The following CDYL variants were observed in gnomAD, a reference collection of about 807,000 sequenced individuals.
CDYL encodes the protein chromodomain Y like, also known as chromodomain Y-like protein.
Under a neutral mutation model 47.3 loss-of-function variants are expected in CDYL, and 8 were observed. The observed-to-expected ratio is 0.17, with a 90% CI of 0.10 to 0.31. The LOEUF is 0.31. Ranked by LOEUF, CDYL falls within the 10% of genes least tolerant of loss-of-function variation. CDYL has a pLI of 1.00. For missense variants in CDYL, 471 were observed against 701.4 expected, an observed-to-expected ratio of 0.67 and a Z score of 3.71; for synonymous variants, 266 against 265.0, an observed-to-expected ratio of 1.00 and a Z score of -0.04.
chr6:4,723,794 G>A (rs1234162552), intron 2 of CDYL, among the ~76,000 whole-genome samples: 1 of 152,092 alleles, frequency 6.6e-6, no homozygotes, highest in African/African-American at 2.4e-5. Flanking sequence ...AAAATCTAAG[G>A]GAAACATCAA....
intron 1 of CDYL, among the ~76,000 whole-genome samples, chr6:4,822,506 A>G (rs116187065): frequency 0.011 from 1,602 of 152,346 alleles, 8 homozygotes; most frequent in South Asian, 0.037. Flanking sequence ...CTTGTAAAGT[A>G]TAAAAGCTAT....
chr6:4,739,995 T>G (rs192924054), intron 3 of CDYL, among the ~76,000 whole-genome samples: 1 of 152,148 alleles, frequency 6.6e-6, no homozygotes, highest in Non-Finnish European at 1.5e-5. Flanking sequence ...CACACTAAAT[T>G]TCTGATGGAA....
In CDYL at chr6:4,776,787, G is replaced by C. The variant is rs773558670; in HGVS notation, c.4G>C (p.Ala2Pro). 8.5e-7 allele frequency: 1 copy of C among 1,170,118 alleles called. No individual in the cohort carries two copies. The highest frequency in any genetic ancestry group is 1.1e-6 in the Non-Finnish European group (1 of 927,112). The allele number at this position is 1,170,118 out of a possible 1,614,324, so 72.5% of individuals were successfully genotyped here. A position where few individuals can be genotyped will look rare whatever the true frequency, so the allele number is the denominator to read the frequency against. ...GCCCGCAACTCCGCCGCCCACCATG[G>C]CTTCCGAGGAGCTGTACGAGGTACC... is the stretch of plus-strand genomic sequence containing the variant. MASEELYEVERI... is the reference protein window; with the variant it reads MPSEELYEVERI... Residue 2 changes from alanine to proline, a missense_variant, in exon 1 of 7, where the codon GCT becomes CCT. Ala to Pro is a conservative substitution (Grantham distance 27). Coordinates refer to ENST00000397588, the MANE Select transcript of CDYL (RefSeq NM_004824.4).
intron 1 of CDYL, among the ~76,000 whole-genome samples, chr6:4,891,376 G>A (rs902962904): frequency 1.3e-5 from 2 of 152,200 alleles, no homozygotes; most frequent in Non-Finnish European, 2.9e-5. Flanking sequence ...CACAGCTGCA[G>A]ATGCCTCGAG....
chr6:4,846,662 C>G (rs1051134022), intron 1 of CDYL, among the ~76,000 whole-genome samples: 1 of 151,982 alleles, frequency 6.6e-6, no homozygotes, highest in African/African-American at 2.4e-5. Flanking sequence ...GTATGTGTGT[C>G]TTGCATGCTA....
intron 3 of CDYL, among the ~76,000 whole-genome samples, chr6:4,750,184 G>GT (rs1189598468): frequency 1.3e-5 from 2 of 151,108 alleles, no homozygotes; most frequent in African/African-American, 2.4e-5. Flanking sequence ...GCAAAAAAAA[G>GT]TTTTTATTTA....
intron 2 of CDYL, among the ~76,000 whole-genome samples, chr6:4,722,943 C>G (rs1414395584): frequency 6.6e-6 from 1 of 152,044 alleles, no homozygotes; most frequent in African/African-American, 2.4e-5. Context: ...AACTGATTAC[C>G]CTAGCATAAG....
At chr6:4,740,103 G>A (rs893543145) in intron 3 of CDYL, among the ~76,000 whole-genome samples, 19 of 152,198 alleles carry the variant, frequency 1.2e-4, no homozygotes, top group African/African-American at 4.1e-4. Context: ...TTACGAAGGA[G>A]AGTGTCTGAC....
chr6:4,716,015 G>A lies in CDYL; in HGVS notation c.103+134G>A, dbSNP rs551551756. On this transcript the variant is annotated intron_variant, in intron 2 of 8. Coordinates refer to the CDYL transcript ENST00000328908. The stretch of plus-strand genomic sequence containing the variant: ...TATAATCCCAGCACTTTGGGAGGCC[G>A]AGGCGGGCGGATCATGAGGTCAGGA... The A allele has an allele frequency of 3.2e-5, 42 of 1,322,010 alleles. No homozygotes were observed. The East Asian group carries it at 6.7e-4, about 21-fold the overall frequency. 81.9% of individuals were successfully genotyped at this position (1,322,010 alleles called of 1,614,324 possible).
chr6:4,875,284 G>A (rs937412789), intron 1 of CDYL, among the ~76,000 whole-genome samples: 11 of 152,046 alleles, frequency 7.2e-5, no homozygotes, highest in African/African-American at 2.7e-4. Context: ...GATTGTTTTT[G>A]CTATTCTATT....
At chr6:4,918,760 C>T (rs7739834) in intron 2 of CDYL, among the ~76,000 whole-genome samples, 127,477 of 152,176 alleles carry the variant, frequency 0.84, 53,597 homozygotes, top group Admixed American at 0.89. Flanking sequence ...TTGTAGGGAT[C>T]GCTTTGAAAC....
rs535309717 is a variant in CDYL, at chr6:4,744,455, C to CA, written c.186+9612dup. Reference sequence around the variant, plus strand: ...GGCTGCAGTGAGCTATGATTGAACCCACTGCACTTCAGCCTGGACAACAGA... The same window carrying CA: ...GGCTGCAGTGAGCTATGATTGAACCCAACTGCACTTCAGCCTGGACAACAGA... On this transcript the variant is annotated intron_variant, in intron 3 of 8. Coordinates refer to the CDYL transcript ENST00000328908. 4.0e-3 allele frequency among the ~76,000 whole-genome samples: 605 copies of CA among 151,900 alleles called. 4 individuals are homozygous for CA. Among genetic ancestry groups the CA allele is most frequent in the African/African-American group, 0.014 (583 of 41,432 alleles).
intron 2 of CDYL, among the ~76,000 whole-genome samples, chr6:4,718,919 TTTTTCTTTTTTTC>T (rs1363673076): frequency 6.6e-6 from 1 of 152,038 alleles, no homozygotes; most frequent in African/African-American, 2.4e-5. Context: ...CTGGTTTTTT[TTTTTCTTTTTTTC>T]TTTCTTTTCA....
chr6:4,886,455 T>C (rs1336313228), intron 1 of CDYL, among the ~76,000 whole-genome samples: 2 of 152,240 alleles, frequency 1.3e-5, no homozygotes, highest in African/African-American at 4.8e-5. Flanking sequence ...GGTTGTGATG[T>C]GCATTTCCCC....
intron 5 of CDYL, among the ~76,000 whole-genome samples, chr6:4,947,868 C>A (rs1758577803): frequency 6.6e-6 from 1 of 152,148 alleles, no homozygotes; most frequent in Non-Finnish European, 1.5e-5. Context: ...GGGTTGGCGG[C>A]CCTGGGAAGA....
intron 1 of CDYL, among the ~76,000 whole-genome samples, chr6:4,715,497 T>C (rs1456265751): frequency 6.6e-6 from 1 of 152,228 alleles, no homozygotes; most frequent in Non-Finnish European, 1.5e-5. Flanking sequence ...TATTGACATA[T>C]ATTGTGGTGA....
At chr6:4,898,851 T>G (rs73717748) in intron 2 of CDYL, among the ~76,000 whole-genome samples, 4,808 of 152,338 alleles carry the variant, frequency 0.032, 235 homozygotes, top group African/African-American at 0.11. Context: ...CAATGATTGA[T>G]GTCGAACCAA....
At chr6:4,829,548 G>T (rs1760075980) in intron 1 of CDYL, among the ~76,000 whole-genome samples, 3 of 152,194 alleles carry the variant, frequency 2.0e-5, no homozygotes, top group African/African-American at 4.8e-5. Context: ...CCCTGGGCTT[G>T]TGCATGGCTG....
chr6:4,815,673 CT>C (rs35346944), intron 1 of CDYL, among the ~76,000 whole-genome samples: 2,865 of 113,656 alleles, frequency 0.025, 33 homozygotes, highest in African/African-American at 0.046. Flanking sequence ...TGAGATTTCA[CT>C]TTTTTTTTTT....
Sources: allele counts gnomAD v4.1 joint callset (sites outside exome capture counted in the v4.1 genomes callset), GRCh38; gene constraint gnomAD v4.1.1; transcripts MANE v1.5; gene names NCBI Gene and HGNC (gene_info 2026-07-23, HGNC 2026-07-21).